SMURF1: variants seen among roughly 807,000 people sequenced by gnomAD.
SMURF1 encodes the protein E3 ubiquitin-protein ligase SMURF1.
SMURF1 carries 44 observed loss-of-function variants against 98.0 expected under a neutral mutation model. That is an observed-to-expected ratio of 0.45 (90% CI 0.35 to 0.58). The LOEUF (loss-of-function observed/expected upper bound fraction) is 0.58, where lower values mean the gene tolerates loss of function less well. Ranked by LOEUF, SMURF1 falls within the 20% of genes least tolerant of loss-of-function variation. SMURF1 has a pLI of 0.00. For missense variants in SMURF1, 687 were observed against 938.4 expected, an observed-to-expected ratio of 0.73 and a Z score of 3.50; for synonymous variants, 396 against 374.9, an observed-to-expected ratio of 1.06 and a Z score of -0.65.
At chr7:99,046,727 G>A (rs1322862552) in intron 10 of SMURF1, among the ~76,000 whole-genome samples, 3 of 87,694 alleles carry the variant, frequency 3.4e-5, no homozygotes, top group Admixed American at 1.7e-4. Context: ...GCAAGACTCC[G>A]TCTCAAAAAA....
intron 2 of SMURF1, 74 bp downstream of exon 2, chr7:99,061,725 C>CT: frequency 1.6e-6 from 2 of 1,245,682 alleles, no homozygotes; most frequent in Non-Finnish European, 1.1e-6. Flanking sequence ...TATACCCAAT[C>CT]TTTTTTTAAA....
intron 1 of SMURF1, among the ~76,000 whole-genome samples, chr7:99,100,400 C>G (rs1048183385): frequency 6.6e-6 from 1 of 152,020 alleles, no homozygotes; most frequent in African/African-American, 2.4e-5. Flanking sequence ...ATTAAAAATA[C>G]AAAAATTAGC....
chr7:99,055,503 TAAG>T (rs1158678651), intron 5 of SMURF1, among the ~76,000 whole-genome samples: 2 of 149,518 alleles, frequency 1.3e-5, no homozygotes, highest in East Asian at 1.9e-4. Flanking sequence ...ATAATAAAAA[TAAG>T]AAGTTTTTTT....
intron 14 of SMURF1, 114 bp from the exon 15 acceptor site, chr7:99,037,301 A>C: frequency 3.7e-6 from 5 of 1,335,544 alleles, no homozygotes; most frequent in Non-Finnish European, 5.3e-6. Flanking sequence ...GCAATGGCTC[A>C]ATCTCGGCTC....
chr7:99,097,462 G>C (rs1457432948), intron 1 of SMURF1, among the ~76,000 whole-genome samples: 1 of 152,194 alleles, frequency 6.6e-6, no homozygotes, highest in Admixed American at 6.5e-5. Context: ...CTACTCGCAT[G>C]AATGGATTGA....
At chr7:99,127,856 T>A (rs760781120) in intron 1 of SMURF1, among the ~76,000 whole-genome samples, 3 of 152,186 alleles carry the variant, frequency 2.0e-5, no homozygotes, top group Non-Finnish European at 4.4e-5. Context: ...TGCTGAGAGA[T>A]CGTGGACTGG....
chr7:99,094,670 A>AC (rs1796905274), intron 1 of SMURF1, among the ~76,000 whole-genome samples: 1 of 151,842 alleles, frequency 6.6e-6, no homozygotes, highest in Admixed American at 6.6e-5. Flanking sequence ...GAAAAAAAAA[A>AC]AAACTGTCAC....
chr7:99,087,572 G>A lies in SMURF1; in HGVS notation c.56-25735C>T, dbSNP rs143741901. Among the ~76,000 whole-genome samples the A allele has an allele frequency of 4.6e-5, 7 of 152,320 alleles. No individual in the cohort carries two copies. In the East Asian group the frequency reaches 1.3e-3, roughly 29 times the overall value. On this transcript the variant is annotated intron_variant, in intron 1 of 17. Transcript: ENST00000361368. ...GAATAAAACGACAATGGCACCTATTGTAAAAGGAGTATAAAAGGTAGTGTC... is the reference window on the plus strand; with the variant it reads ...GAATAAAACGACAATGGCACCTATTATAAAAGGAGTATAAAAGGTAGTGTC...
intron 1 of SMURF1, among the ~76,000 whole-genome samples, chr7:99,131,783 C>T (rs1797877548): frequency 6.6e-6 from 1 of 151,896 alleles, no homozygotes; most frequent in Non-Finnish European, 1.5e-5. Flanking sequence ...CTAGGGGAAC[C>T]AAGAGATAGG....
intron 1 of SMURF1, among the ~76,000 whole-genome samples, chr7:99,076,551 C>G (rs983880100): frequency 5.3e-5 from 8 of 152,190 alleles, no homozygotes; most frequent in Admixed American, 4.6e-4. Context: ...CAAGGAAAGT[C>G]TAAGAAACTG....
At chr7:99,100,428 G>A (rs530054693) in intron 1 of SMURF1, among the ~76,000 whole-genome samples, 7 of 152,256 alleles carry the variant, frequency 4.6e-5, no homozygotes, top group East Asian at 1.9e-4. Flanking sequence ...GGTGGCGGGC[G>A]CCTATAATCC....
intron 1 of SMURF1, among the ~76,000 whole-genome samples, chr7:99,076,635 G>A (rs1242293483): frequency 6.6e-6 from 1 of 152,214 alleles, no homozygotes; most frequent in East Asian, 1.9e-4. Flanking sequence ...TCCTGAAACA[G>A]AACATGTCAG....
intron 1 of SMURF1, among the ~76,000 whole-genome samples, chr7:99,090,685 CTGTA>C (rs1223142615): frequency 2.6e-5 from 4 of 152,126 alleles, no homozygotes; most frequent in Non-Finnish European, 5.9e-5. Context: ...TTTGGAGTTC[CTGTA>C]TGTAATTTCA....
chr7:99,049,668 G>A lies in SMURF1; in HGVS notation c.848C>T (p.Pro283Leu), dbSNP rs375168879. 1.1e-5 allele frequency: 18 copies of A among 1,613,820 alleles called. No homozygotes were observed. Among genetic ancestry groups the A allele is most frequent in the Non-Finnish European group, 1.4e-5 (16 of 1,179,960 alleles). ...SVNCDELGPL[P>L]PGWEVRSTVS... ...TGTACTTCTGACTTCCCAGCCTGGC[G>A]GCAGTGGTCCAAGTTCATCACAGTT... The change falls in exon 9 of 18, where the codon CCG becomes CTG. Residue 283 changes from proline to leucine, a missense_variant. Pro to Leu is a moderately conservative substitution (Grantham distance 98). This residue lies in a region of SMURF1 where 415 missense variants were observed against 508.4 expected (regional missense o/e 0.82). Coordinates refer to ENST00000361368, the MANE Select transcript of SMURF1 (RefSeq NM_181349.3).
At chr7:99,094,126 G>T (rs116957270) in intron 1 of SMURF1, among the ~76,000 whole-genome samples, 1 of 151,944 alleles carries the variant, frequency 6.6e-6, no homozygotes, top group Non-Finnish European at 1.5e-5. Flanking sequence ...CTATTTTAGG[G>T]AACCAAACCA....
intron 1 of SMURF1, among the ~76,000 whole-genome samples, chr7:99,098,017 A>G (rs1374292776): frequency 3.3e-5 from 5 of 152,222 alleles, no homozygotes; most frequent in Non-Finnish European, 7.3e-5. Flanking sequence ...AACAGACAAA[A>G]CCCAAGTTAG....
In SMURF1 at chr7:99,049,607, G is replaced by C; in HGVS notation, c.909C>G (p.Asn303Lys). Residue 303 changes from asparagine (N) to lysine (K), a missense_variant, in exon 9 of 18, where the codon AAC becomes AAG. Coordinates refer to ENST00000361368, the MANE Select transcript of SMURF1 (RefSeq NM_181349.3). The stretch of plus-strand genomic sequence containing the variant: ...TTGGGTCTGTAAACTGGGTTGTTCG[G>C]TTATTATGATCTACAAAATATATCC... ...SGRIYFVDHNNRTTQFTDPRL... is the reference protein window; with the variant it reads ...SGRIYFVDHNKRTTQFTDPRL... 6.2e-7 allele frequency: 1 copy of C among 1,614,126 alleles called. No individual in the cohort carries two copies. The highest frequency in any genetic ancestry group is 8.5e-7 in the Non-Finnish European group (1 of 1,180,016).
At chr7:99,122,733 TTTTC>T (rs1212713304) in intron 1 of SMURF1, among the ~76,000 whole-genome samples, 2 of 135,082 alleles carry the variant, frequency 1.5e-5, no homozygotes, top group South Asian at 2.5e-4. Context: ...CACAGGGCTT[TTTTC>T]TTTCTTTCTT....
At chr7:99,083,780 A>G (rs576290240) in intron 1 of SMURF1, among the ~76,000 whole-genome samples, 2 of 152,330 alleles carry the variant, frequency 1.3e-5, no homozygotes, top group South Asian at 2.1e-4. Context: ...TTATCATTCA[A>G]ATATGGTTTG....
Sources: gnomAD v4.1 joint callset for allele counts (sites outside exome capture counted in the v4.1 genomes callset) on GRCh38, gnomAD v4.1.1 for gene constraint, gnomAD v4.1.1 regional missense constraint, MANE v1.5 for transcripts, NCBI Gene and HGNC (gene_info 2026-07-23, HGNC 2026-07-21) for gene names.